The following SEC24B variants were observed in gnomAD, a reference collection of about 807,000 sequenced individuals.
SEC24B encodes the protein SEC24 homolog B, COPII component, also known as protein transport protein Sec24B.
A neutral mutation model predicts 142.8 loss-of-function variants in SEC24B; 45 were observed. The observed-to-expected ratio is 0.32, with a 90% CI of 0.25 to 0.40. SEC24B has a LOEUF of 0.40. SEC24B is among the 10% of genes least tolerant of loss of function. The pLI, the probability that SEC24B is intolerant of heterozygous loss-of-function variation, is 1.00. For synonymous variants in SEC24B, 574 were observed against 568.2 expected (o/e 1.01, Z -0.15); for missense variants, 1,409 against 1,526.8 (o/e 0.92, Z 1.29).
In SEC24B at chr4:109,445,402, C is replaced by T. The variant is rs527661139; in HGVS notation, c.133+11400C>T. Among the ~76,000 whole-genome samples the T allele has an allele frequency of 3.6e-4, 41 of 113,854 alleles. 1 individual carries two copies. The South Asian group carries it at 0.013, about 36-fold the overall frequency. 74.7% of individuals were successfully genotyped at this position (113,854 alleles called of 152,430 possible). ...GGGACAACAGGCGCCCGCCACCACGCCCAGCTAATTTTTTTTTTTTTTTTT... is the reference window on the plus strand; with the variant it reads ...GGGACAACAGGCGCCCGCCACCACGTCCAGCTAATTTTTTTTTTTTTTTTT... On this transcript the variant is annotated intron_variant, in intron 1 of 23. Transcript: ENST00000265175.
intron 7 of SEC24B, among the ~76,000 whole-genome samples, chr4:109,509,552 C>G (rs1445116693): frequency 1.3e-5 from 2 of 152,106 alleles, no homozygotes; most frequent in African/African-American, 4.8e-5. Context: ...TGGCAAGCGC[C>G]TGTAGTCCCA....
In SEC24B at chr4:109,463,302, A is replaced by G. The variant is rs758144411; in HGVS notation, c.535A>G (p.Thr179Ala). The G allele has an allele frequency of 2.5e-6, 4 of 1,614,110 alleles. No homozygotes were observed. The highest frequency in any genetic ancestry group is 1.6e-4 in the Middle Eastern group (1 of 6,062). Reference sequence around the variant, plus strand: ...TGTTGCGTCTCAGGGATTTCCCTCTACTTGTGGTCATTATGCTATGTCAAC... The same window carrying G: ...TGTTGCGTCTCAGGGATTTCCCTCTGCTTGTGGTCATTATGCTATGTCAAC... ...SSVASQGFPS[T>A]CGHYAMSTVS... Residue 179 changes from threonine to alanine, a missense_variant, in exon 2 of 24, where the codon ACT (threonine) becomes GCT (alanine). Thr to Ala is a moderately conservative substitution (Grantham distance 58, BLOSUM62 0). Coordinates refer to ENST00000265175, the MANE Select transcript of SEC24B (RefSeq NM_006323.5).
rs552346823 is a variant in SEC24B, at chr4:109,510,578, T to C, written c.1776+467T>C. 5.9e-5 allele frequency among the ~76,000 whole-genome samples: 9 copies of C among 152,322 alleles called. No individual in the cohort carries two copies. The South Asian group carries it at 1.9e-3, about 32-fold the overall frequency. On this transcript the variant is annotated intron_variant, in intron 8 of 23. Transcript: ENST00000265175. ...GAAGGTAGATACACTTTCGGAGTTC[T>C]TTATTAAACACAAAGGAAACACCAA...
At chr4:109,491,262 G>T in intron 4 of SEC24B, 65 bp from the exon 5 acceptor site, 1 of 1,265,788 alleles carries the variant, frequency 7.9e-7, no homozygotes, top group Non-Finnish European at 1.1e-6. Context: ...TTTCAAAATT[G>T]CCAAAGGCTG....
intron 7 of SEC24B, among the ~76,000 whole-genome samples, chr4:109,509,454 G>T (rs989809852): frequency 5.3e-5 from 8 of 152,056 alleles, no homozygotes; most frequent in Admixed American, 6.6e-5. Context: ...CAGGCGGATG[G>T]ATCACAAGGT....
At chr4:109,527,847 A>G (rs1724425463) in intron 18 of SEC24B, among the ~76,000 whole-genome samples, 1 of 152,096 alleles carries the variant, frequency 6.6e-6, no homozygotes, top group Non-Finnish European at 1.5e-5. Flanking sequence ...TATGTTTTAC[A>G]TTTTTATTTA....
intron 1 of SEC24B, among the ~76,000 whole-genome samples, chr4:109,450,466 T>A (rs1209605635): frequency 1.3e-5 from 2 of 151,908 alleles, no homozygotes; most frequent in African/African-American, 4.8e-5. Flanking sequence ...AAGACCAGCC[T>A]GGCCAGGATG....
intron 6 of SEC24B, among the ~76,000 whole-genome samples, 181 bp from the exon 7 acceptor site, chr4:109,506,147 A>C (rs1246464160): frequency 1.3e-5 from 2 of 152,166 alleles, no homozygotes. Flanking sequence ...ATAAGATTCA[A>C]ATTTATTCAG....
At chr4:109,489,994 G>A (rs923647178) in intron 4 of SEC24B, among the ~76,000 whole-genome samples, 4 of 151,986 alleles carry the variant, frequency 2.6e-5, no homozygotes, top group African/African-American at 9.7e-5. Flanking sequence ...TTATCACGAA[G>A]AAGGCACTGC....
chr4:109,462,924 G>T lies in SEC24B; in HGVS notation c.157G>T (p.Val53Phe), dbSNP rs1453983678. Residue 53 changes from valine (V) to phenylalanine (F), a missense_variant, in exon 2 of 24, where the codon GTT (valine) becomes TTT (phenylalanine). Around this residue, in one of 2 missense-constraint regions of SEC24B, gnomAD observed 709 missense variants for 673.5 expected, o/e 1.05. Transcript: ENST00000265175. ...AGGTCCAGCCCAGAATCAAATGCAG[G>T]TTCCATCTGGATATGGATTGCATCA... is the stretch of plus-strand genomic sequence containing the variant. Reference protein sequence around the residue: ...QNGPAQNQMQVPSGYGLHHQN... With the variant: ...QNGPAQNQMQFPSGYGLHHQN... 7.5e-6 allele frequency: 12 copies of T among 1,609,582 alleles called. No homozygotes were observed. The highest frequency in any genetic ancestry group is 1.0e-5 in the Non-Finnish European group (12 of 1,179,612).
intron 1 of SEC24B, chr4:109,449,631 C>T: frequency 2.5e-6 from 1 of 403,602 alleles, no homozygotes; most frequent in Non-Finnish European, 4.9e-6. Flanking sequence ...ACTGTGTGCT[C>T]ACATGGCCTT....
intron 3 of SEC24B, among the ~76,000 whole-genome samples, chr4:109,474,907 T>C (rs1412403498): frequency 6.6e-6 from 1 of 152,254 alleles, no homozygotes; most frequent in East Asian, 1.9e-4. Flanking sequence ...ATATATCAGA[T>C]ACTTTATATC....
chr4:109,496,279 A>G (rs1245155950), intron 6 of SEC24B, among the ~76,000 whole-genome samples: 3 of 151,896 alleles, frequency 2.0e-5, no homozygotes, highest in Non-Finnish European at 4.4e-5. Flanking sequence ...TGCCCGGCTA[A>G]TTTTTGTATT....
chr4:109,496,752 T>G (rs928648953), intron 6 of SEC24B, among the ~76,000 whole-genome samples: 1 of 152,200 alleles, frequency 6.6e-6, no homozygotes, highest in African/African-American at 2.4e-5. Context: ...CAGAGGAATA[T>G]GGTTGGTTAG....
chr4:109,462,729 A>G (rs1317200207), intron 1 of SEC24B, among the ~76,000 whole-genome samples, 172 bp from the exon 2 acceptor site: 1 of 152,160 alleles, frequency 6.6e-6, no homozygotes, highest in Non-Finnish European at 1.5e-5. Context: ...GGTGGGGATC[A>G]TTGGGGGCCA....
chr4:109,457,483 A>C (rs1406892671), intron 1 of SEC24B, among the ~76,000 whole-genome samples: 1 of 152,220 alleles, frequency 6.6e-6, no homozygotes, highest in Non-Finnish European at 1.5e-5. Context: ...CACGTGGCAG[A>C]AGGGCAAAGG....
At chr4:109,498,110 C>G (rs1735718965) in intron 6 of SEC24B, among the ~76,000 whole-genome samples, 1 of 152,128 alleles carries the variant, frequency 6.6e-6, no homozygotes, top group Admixed American at 6.6e-5. Flanking sequence ...TTCTCTTTAA[C>G]TGGTAAGGAT....
chr4:109,496,616 C>G (rs1270881961), intron 6 of SEC24B, among the ~76,000 whole-genome samples: 1 of 152,048 alleles, frequency 6.6e-6, no homozygotes, highest in Non-Finnish European at 1.5e-5. Context: ...TGAATCTTGC[C>G]TGGGTGACAT....
At chr4:109,447,860 A>T (rs1239840778) in intron 1 of SEC24B, among the ~76,000 whole-genome samples, 1 of 152,220 alleles carries the variant, frequency 6.6e-6, no homozygotes, top group Non-Finnish European at 1.5e-5. Flanking sequence ...AAACCAAGGC[A>T]TCTACAGGGC....
Sources: gnomAD v4.1 joint callset for allele counts (sites outside exome capture counted in the v4.1 genomes callset) on GRCh38, gnomAD v4.1.1 for gene constraint, gnomAD v4.1.1 regional missense constraint, MANE v1.5 for transcripts, NCBI Gene and HGNC (gene_info 2026-07-23, HGNC 2026-07-21) for gene names.